FMN2: variants seen among roughly 807,000 people sequenced by gnomAD.
FMN2 encodes the protein formin-2.
A neutral mutation model predicts 142.3 loss-of-function variants in FMN2; 51 were observed. The observed-to-expected ratio is 0.36, with a 90% CI of 0.29 to 0.45. The LOEUF (loss-of-function observed/expected upper bound fraction) is 0.45. Among genes scored for constraint, FMN2 ranks in the 20% least tolerant of loss-of-function variants. The probability of loss-of-function intolerance (pLI) is 1.00; values close to 1 mark genes in which losing one functional copy is unlikely to be tolerated. For missense variants in FMN2, 1,936 were observed against 2,122.8 expected (o/e 0.91, Z 1.73); for synonymous variants, 882 against 869.8 (o/e 1.01, Z -0.25).
At position 240,393,016 on chromosome 1, in the gene FMN2, T is replaced by C. The variant is rs144498186; in HGVS notation, c.4910+454T>C. On this transcript the variant is annotated intron_variant, in intron 15 of 17. Transcript: ENST00000319653. ...AAAATATCTCAGAAATCTCCCTGCTTTTCTGCCTCCATTTTCTCTTCTTCT... is the reference window on the plus strand; with the variant it reads ...AAAATATCTCAGAAATCTCCCTGCTCTTCTGCCTCCATTTTCTCTTCTTCT... Among the ~76,000 whole-genome samples the C allele has an allele frequency of 3.9e-4, 59 of 152,282 alleles. No homozygotes were observed. The East Asian group carries it at 6.6e-3, about 17-fold the overall frequency.
intron 2 of FMN2, among the ~76,000 whole-genome samples, chr1:240,175,328 C>A (rs1301777637): frequency 6.6e-6 from 1 of 152,104 alleles, no homozygotes. Context: ...GTTTTTAATT[C>A]TGTGGCATAT....
At chr1:240,175,729 T>C (rs1664887540) in intron 2 of FMN2, among the ~76,000 whole-genome samples, 1 of 152,130 alleles carries the variant, frequency 6.6e-6, no homozygotes, top group Non-Finnish European at 1.5e-5. Flanking sequence ...TGTTTGTTTG[T>C]TTTTTAAATA....
At chr1:240,206,480 A>G (rs188923011) in intron 4 of FMN2, among the ~76,000 whole-genome samples, 21 of 152,258 alleles carry the variant, frequency 1.4e-4, no homozygotes, top group Admixed American at 1.2e-3. Flanking sequence ...CCTAGGCTGG[A>G]AAGAAGGCTA....
chr1:240,209,083 C>T (rs775918998), intron 5 of FMN2, among the ~76,000 whole-genome samples: 5 of 152,070 alleles, frequency 3.3e-5, no homozygotes, highest in Admixed American at 6.5e-5. Context: ...GCCTAAATTC[C>T]AGTGAAAGTA....
rs934208866 is a variant in FMN2, at chr1:240,333,988, A to G, written c.4644+42A>G. 6 of 1,581,878 alleles carry G rather than the reference A, an allele frequency of 3.8e-6. No individual in the cohort carries two copies. The African/African-American group carries it at 6.8e-5, about 18-fold the overall frequency. On this transcript the variant is annotated intron_variant, in intron 12 of 17. Transcript: ENST00000319653. ...ATATAGTCATATTCCATTATTCTTT[A>G]TTCGTTGGATGATTTGGCAGTACTT...
chr1:240,363,608 G>A (rs773753398), intron 14 of FMN2, among the ~76,000 whole-genome samples: 6 of 152,140 alleles, frequency 3.9e-5, no homozygotes, highest in Non-Finnish European at 8.8e-5. Context: ...AATGTTCCCT[G>A]AGACCCAGGA....
At chr1:240,097,681 T>TG (rs1213728353) in intron 1 of FMN2, among the ~76,000 whole-genome samples, 16 of 152,200 alleles carry the variant, frequency 1.1e-4, no homozygotes, top group African/African-American at 3.9e-4. Context: ...TCTTTGCTCC[T>TG]GTCCCTCAAT....
intron 2 of FMN2, among the ~76,000 whole-genome samples, chr1:240,161,245 G>T (rs1164191848): frequency 6.6e-6 from 1 of 152,014 alleles, no homozygotes; most frequent in Non-Finnish European, 1.5e-5. Context: ...ACTTTATGTT[G>T]GAAGGGCCTA....
chr1:240,364,699 C>T (rs1050206991), intron 14 of FMN2, among the ~76,000 whole-genome samples: 3 of 152,162 alleles, frequency 2.0e-5, no homozygotes, highest in African/African-American at 7.2e-5. Context: ...CTAACCACCG[C>T]CTCCTGCATA....
chr1:240,448,153 T>C (rs1209937845), intron 16 of FMN2, among the ~76,000 whole-genome samples: 3 of 152,080 alleles, frequency 2.0e-5, no homozygotes, highest in Admixed American at 6.6e-5. Flanking sequence ...GCTAACAGAA[T>C]TTGGGAGATA....
At chr1:240,349,710 A>C (rs993804782) in intron 13 of FMN2, among the ~76,000 whole-genome samples, 1 of 152,172 alleles carries the variant, frequency 6.6e-6, no homozygotes, top group Non-Finnish European at 1.5e-5. Context: ...TTGGAAACCT[A>C]ATGCATGCTT....
At chr1:240,387,779 A>G (rs1558465792) in intron 14 of FMN2, among the ~76,000 whole-genome samples, 1 of 152,206 alleles carries the variant, frequency 6.6e-6, no homozygotes, top group South Asian at 2.1e-4. Context: ...TATTGCAAGC[A>G]ATGCATCTCC....
intron 2 of FMN2, chr1:240,142,687 T>C: frequency 6.2e-7 from 1 of 1,611,038 alleles, no homozygotes; most frequent in South Asian, 1.1e-5. Flanking sequence ...TAATTGGGGT[T>C]CTTCCGAAGG....
intron 14 of FMN2, among the ~76,000 whole-genome samples, chr1:240,363,501 T>C (rs1672561078): frequency 6.6e-6 from 1 of 152,174 alleles, no homozygotes; most frequent in African/African-American, 2.4e-5. Context: ...GCTTGGCCCC[T>C]CCCAGTTTTA....
intron 2 of FMN2, among the ~76,000 whole-genome samples, chr1:240,126,998 G>A (rs999843577): frequency 6.6e-6 from 1 of 152,140 alleles, no homozygotes; most frequent in Non-Finnish European, 1.5e-5. Context: ...CCCAGGGCAA[G>A]TCCAAAGGGC....
chr1:240,444,723 C>T (rs990259504), intron 16 of FMN2, among the ~76,000 whole-genome samples: 6 of 152,128 alleles, frequency 3.9e-5, no homozygotes, highest in African/African-American at 1.2e-4. Context: ...GCGAGCCCCT[C>T]GTGCCTTGTT....
At chr1:240,308,290 A>C (rs932825554) in intron 8 of FMN2, among the ~76,000 whole-genome samples, 6 of 152,134 alleles carry the variant, frequency 3.9e-5, no homozygotes, top group Non-Finnish European at 7.4e-5. Flanking sequence ...CTTAGAGATA[A>C]ATTGGTGGGG....
At chr1:240,273,611 A>G (rs958705680) in intron 7 of FMN2, among the ~76,000 whole-genome samples, 18 of 152,148 alleles carry the variant, frequency 1.2e-4, no homozygotes, top group Admixed American at 1.1e-3. Context: ...CTGTCTCGCT[A>G]GAGTACACAT....
chr1:240,146,012 C>G (rs192953002), intron 2 of FMN2, among the ~76,000 whole-genome samples: 39 of 152,114 alleles, frequency 2.6e-4, no homozygotes, highest in African/African-American at 8.9e-4. Flanking sequence ...CATATAATCA[C>G]TCTTCTTCCC....
Sources: allele counts gnomAD v4.1 joint callset (sites outside exome capture counted in the v4.1 genomes callset), GRCh38; gene constraint gnomAD v4.1.1; transcripts MANE v1.5; gene names NCBI Gene and HGNC (gene_info 2026-07-23, HGNC 2026-07-21).